Variants in TMED3 observed in about 807,000 individuals in gnomAD.
TMED3 encodes transmembrane emp24 domain-containing protein 3.
Under a neutral mutation model 15.0 loss-of-function variants are expected in TMED3, and 9 were observed. That is an observed-to-expected ratio of 0.60 (90% CI 0.36 to 1.04). TMED3 has a LOEUF of 1.04. Among genes scored for constraint, TMED3 ranks in the 50% least tolerant of loss-of-function variants. TMED3 has a pLI of 0.01. For missense variants in TMED3, 267 were observed against 278.9 expected, an observed-to-expected ratio of 0.96 and a Z score of 0.30; for synonymous variants, 117 against 121.4, an observed-to-expected ratio of 0.96 and a Z score of 0.24.
At chr15:79,376,784 T>C (rs1893433311) in intron 2 of TMED3, among the ~76,000 whole-genome samples, 1 of 152,238 alleles carries the variant, frequency 6.6e-6, no homozygotes, top group Non-Finnish European at 1.5e-5. Context: ...TATTGTTTTT[T>C]AGTTGGTGCT....
intron 2 of TMED3, among the ~76,000 whole-genome samples, chr15:79,387,368 A>C (rs1034820651): frequency 6.6e-6 from 1 of 152,116 alleles, no homozygotes; most frequent in Admixed American, 6.5e-5. Context: ...CATATGTGTC[A>C]ATCTGTTTCT....
chr15:79,377,644 C>CTTTTTT (rs71150905), intron 2 of TMED3, among the ~76,000 whole-genome samples: 16 of 123,596 alleles, frequency 1.3e-4, no homozygotes, highest in African/African-American at 2.4e-4. Flanking sequence ...ACAAACCGTT[C>CTTTTTT]TTTTTTTTTT....
At chr15:79,364,718 C>T (rs374693351) in intron 2 of TMED3, among the ~76,000 whole-genome samples, 6 of 151,820 alleles carry the variant, frequency 4.0e-5, no homozygotes, top group African/African-American at 1.4e-4. Flanking sequence ...AGGAGTTCAG[C>T]TGGGGGCTGT....
At chr15:79,334,667 G>A (rs911499570) in intron 2 of TMED3, among the ~76,000 whole-genome samples, 4 of 152,184 alleles carry the variant, frequency 2.6e-5, no homozygotes, top group African/African-American at 9.7e-5. Context: ...AAGGAAAAGT[G>A]ACAATTCAAG....
chr15:79,326,837 G>T (rs1411745857), downstream of TMED3, among the ~76,000 whole-genome samples: 1 of 152,098 alleles, frequency 6.6e-6, no homozygotes, highest in African/African-American at 2.4e-5. Context: ...GCTTAGTGTT[G>T]CGATAAAGGA....
intron 2 of TMED3, among the ~76,000 whole-genome samples, chr15:79,357,297 C>T (rs540819687): frequency 1.3e-5 from 2 of 151,422 alleles, no homozygotes; most frequent in South Asian, 2.1e-4. Flanking sequence ...CCAGCCTGGG[C>T]CACATAGTGA....
At chr15:79,407,326 T>C (rs1428011499) in intron 2 of TMED3, among the ~76,000 whole-genome samples, 1 of 152,146 alleles carries the variant, frequency 6.6e-6, no homozygotes, top group Non-Finnish European at 1.5e-5. Context: ...AGCTTTATAT[T>C]CTCCTTGTCA....
rs142335698 is a variant in TMED3 at position 79,340,126 on chromosome 15, A to G, written c.417+26121A>G. On this transcript the variant is annotated intron_variant, in intron 2 of 2. Coordinates refer to the TMED3 transcript ENST00000424155. ...TTAAAGTACTGTATTGAGCACGGTA[A>G]TTAGCTTTTACTAGAAATACTTGAA... Among the ~76,000 whole-genome samples, 10 of 152,300 alleles carry G rather than the reference A, an allele frequency of 6.6e-5. No individual in the cohort carries two copies. The East Asian group carries it at 1.9e-3, about 29-fold the overall frequency.
intron 2 of TMED3, among the ~76,000 whole-genome samples, chr15:79,337,268 G>A (rs1305668440): frequency 6.6e-6 from 1 of 152,110 alleles, no homozygotes; most frequent in Non-Finnish European, 1.5e-5. Context: ...TCCTCACACG[G>A]TCCCTTCCCT....
rs572555440 is a variant in TMED3 at position 79,402,770 on chromosome 15, G to T, written c.418-8630G>T. On this transcript the variant is annotated intron_variant, in intron 2 of 2. Transcript: ENST00000424155. The stretch of plus-strand genomic sequence containing the variant: ...CACTGCACTCCAGCCTGGGCAACAG[G>T]GCAAGTCTCTGTCTCAAATAAAAAT... Among the ~76,000 whole-genome samples, 7 of 151,134 alleles carry T rather than the reference G, an allele frequency of 4.6e-5. No homozygotes were observed. In the South Asian group the frequency reaches 1.5e-3, roughly 32 times the overall value.
intron 2 of TMED3, among the ~76,000 whole-genome samples, chr15:79,343,007 T>A (rs2058856928): frequency 1.3e-5 from 2 of 152,104 alleles, no homozygotes; most frequent in South Asian, 4.1e-4. Context: ...ATCGATGAGA[T>A]TTTGTTTGAG....
intron 2 of TMED3, among the ~76,000 whole-genome samples, chr15:79,395,298 G>C (rs920629761): frequency 2.0e-5 from 3 of 152,186 alleles, no homozygotes; most frequent in African/African-American, 7.2e-5. Flanking sequence ...TAGTGCCTCA[G>C]CCTCCCGAGT....
chr15:79,317,077 C>T (rs924212102), intron 2 of TMED3, among the ~76,000 whole-genome samples: 5 of 152,178 alleles, frequency 3.3e-5, no homozygotes, highest in Middle Eastern at 3.4e-3. Context: ...GTCCTGAAGG[C>T]GTCTGCAGGT....
chr15:79,314,659 A>T lies in TMED3; in HGVS notation c.417+654A>T, dbSNP rs151111113. 7.3e-6 allele frequency: 3 copies of T among 413,544 alleles called. No individual in the cohort carries two copies. In the East Asian group the frequency reaches 2.2e-4, roughly 31 times the overall value. 25.6% of individuals were successfully genotyped at this position (413,544 alleles called of 1,614,324 possible). On this transcript the variant is annotated intron_variant, in intron 2 of 2. Transcript: ENST00000299705. ...ATCACCTGCTCATGTCCCATGGGTGAGAACTTAGTCATGTGGCAAAGCTGG... is the reference window on the plus strand; with the variant it reads ...ATCACCTGCTCATGTCCCATGGGTGTGAACTTAGTCATGTGGCAAAGCTGG...
At chr15:79,330,062 T>C (rs6495395) in intron 2 of TMED3, among the ~76,000 whole-genome samples, 27,450 of 152,128 alleles carry the variant, frequency 0.18, 2,473 homozygotes, top group Admixed American at 0.24. Flanking sequence ...AGGCAATGAC[T>C]AAACAGCTAA....
At chr15:79,346,407 T>C (rs10851918) in intron 2 of TMED3, among the ~76,000 whole-genome samples, 14,311 of 152,222 alleles carry the variant, frequency 0.094, 712 homozygotes, top group Admixed American at 0.12. Flanking sequence ...GTTCTCATGA[T>C]AGTGAATAAG....
intron 2 of TMED3, among the ~76,000 whole-genome samples, chr15:79,320,013 A>G (rs12900458): frequency 0.98 from 149,767 of 152,172 alleles, 73,737 homozygotes; most frequent in Non-Finnish European, 1. Context: ...CAGGCCCTCC[A>G]CAAGAGGTGG....
chr15:79,364,509 C>T (rs966063425), intron 2 of TMED3, among the ~76,000 whole-genome samples: 5 of 151,918 alleles, frequency 3.3e-5, no homozygotes, highest in East Asian at 1.9e-4. Context: ...GCCCCATGGC[C>T]CTAAGTGGGA....
At position 79,339,326 on chromosome 15, in the gene TMED3, C is replaced by T. The variant is rs368836492; in HGVS notation, c.417+25321C>T. Among the ~76,000 whole-genome samples the T allele has an allele frequency of 5.3e-5, 8 of 152,244 alleles. No homozygotes were observed. The East Asian group carries it at 7.7e-4, about 15-fold the overall frequency. ...TATCAGTGCAGCCTGGCATTCGGGGCCTCTACCGGTCTCTGCAACTTAGTG... is the reference window on the plus strand; with the variant it reads ...TATCAGTGCAGCCTGGCATTCGGGGTCTCTACCGGTCTCTGCAACTTAGTG... On this transcript the variant is annotated intron_variant, in intron 2 of 2. Transcript: ENST00000424155.
Sources: gnomAD v4.1 joint callset for allele counts (sites outside exome capture counted in the v4.1 genomes callset) on GRCh38, gnomAD v4.1.1 for gene constraint, MANE v1.5 for transcripts, NCBI Gene and HGNC (gene_info 2026-07-23, HGNC 2026-07-21) for gene names.